Variants in AFG2A observed in about 807,000 individuals in gnomAD.
AFG2A encodes ATPase family gene 2 protein homolog A.
chr4:123,064,445 A>T, the AFG2A span, among the ~76,000 whole-genome samples: 1 of 152,274 alleles, frequency 6.6e-6, no homozygotes, highest in African/African-American at 2.4e-5. Flanking sequence ...TCCCTGCATT[A>T]ATGCAAAGTA....
chr4:123,286,531 A>G, the AFG2A span, among the ~76,000 whole-genome samples: 5 of 152,204 alleles, frequency 3.3e-5, no homozygotes, highest in African/African-American at 1.2e-4. Context: ...TGTAAAATCA[A>G]TGCCAACTGC....
the AFG2A span, among the ~76,000 whole-genome samples, chr4:123,190,494 G>A: frequency 5.3e-4 from 81 of 152,264 alleles, no homozygotes; most frequent in African/African-American, 1.9e-3. Flanking sequence ...CACTTTTCTA[G>A]TTAGATTTTC....
At chr4:123,020,451 C>T in the AFG2A span, among the ~76,000 whole-genome samples, 11 of 151,536 alleles carry the variant, frequency 7.3e-5, no homozygotes, top group Non-Finnish European at 1.5e-4. Context: ...TCAGTGTAAC[C>T]TCCGCCTCCC....
the AFG2A span, among the ~76,000 whole-genome samples, chr4:123,122,699 A>G: frequency 6.6e-6 from 1 of 151,820 alleles, no homozygotes; most frequent in Non-Finnish European, 1.5e-5. Context: ...TCATAGGGCT[A>G]TCTTTTTGCC....
At chr4:122,936,519 T>G in the AFG2A span, among the ~76,000 whole-genome samples, 1 of 152,164 alleles carries the variant, frequency 6.6e-6, no homozygotes, top group Non-Finnish European at 1.5e-5. Context: ...ATGTTATACT[T>G]TGCTTCAAAG....
At chr4:123,247,224 C>CGTGTGTGTGTGTGT in the AFG2A span, among the ~76,000 whole-genome samples, 29 of 149,658 alleles carry the variant, frequency 1.9e-4, no homozygotes, top group Admixed American at 9.3e-4. Context: ...TACTTGCGTG[C>CGTGTGTGTGTGTGT]GTGTGTGTGT....
chr4:123,276,995 T>C, the AFG2A span, among the ~76,000 whole-genome samples: 1 of 152,164 alleles, frequency 6.6e-6, no homozygotes, highest in Middle Eastern at 3.2e-3. Flanking sequence ...AATTTTAAAA[T>C]AGTTTTTTCT....
the AFG2A span, among the ~76,000 whole-genome samples, chr4:123,238,281 G>T: frequency 2.6e-5 from 4 of 152,340 alleles, no homozygotes; most frequent in Non-Finnish European, 5.9e-5. Context: ...AGTAACTTCT[G>T]CAGACTTAAA....
the AFG2A span, among the ~76,000 whole-genome samples, chr4:123,306,721 A>T: frequency 6.6e-6 from 1 of 152,020 alleles, no homozygotes; most frequent in East Asian, 1.9e-4. Context: ...ACACCCGGCT[A>T]ATTTTTTGTA....
At chr4:123,072,086 G>T in the AFG2A span, among the ~76,000 whole-genome samples, 1 of 152,160 alleles carries the variant, frequency 6.6e-6, no homozygotes, top group South Asian at 2.1e-4. Context: ...ATAGGCTCTG[G>T]AATCAAGTAA....
the AFG2A span, among the ~76,000 whole-genome samples, chr4:123,283,215 G>A: frequency 1.3e-5 from 2 of 152,194 alleles, no homozygotes; most frequent in African/African-American, 4.8e-5. Flanking sequence ...ATTAAATTCT[G>A]ATAAAGGGAA....
At chr4:123,189,808 G>GCTTTT in the AFG2A span, among the ~76,000 whole-genome samples, 1 of 56,510 alleles carries the variant, frequency 1.8e-5, no homozygotes, top group African/African-American at 6.3e-5. Flanking sequence ...AAGGTCATTT[G>GCTTTT]CTTTTTTTTT....
At chr4:122,992,838 GTTTTC>G in the AFG2A span, among the ~76,000 whole-genome samples, 4 of 152,136 alleles carry the variant, frequency 2.6e-5, no homozygotes, top group African/African-American at 9.6e-5. Flanking sequence ...GGTCAAATGC[GTTTTC>G]TTTACAGCAT....
At chr4:123,073,295 CT>C in the AFG2A span, among the ~76,000 whole-genome samples, 1 of 151,092 alleles carries the variant, frequency 6.6e-6, no homozygotes, top group Admixed American at 6.6e-5. Flanking sequence ...TAAATTGTAT[CT>C]TTATTACAGA....
chr4:122,990,639 A>G, the AFG2A span, among the ~76,000 whole-genome samples: 3 of 152,136 alleles, frequency 2.0e-5, no homozygotes, highest in Admixed American at 1.3e-4. Context: ...GCTGGAGTGC[A>G]ATGGTGCAGT....
the AFG2A span, among the ~76,000 whole-genome samples, chr4:122,940,020 C>G: frequency 0.012 from 1,762 of 152,276 alleles, 14 homozygotes; most frequent in Middle Eastern, 0.078. Context: ...TTTTCTTAAT[C>G]CAGTCTGTCA....
chr4:123,303,030 GCT>G, the AFG2A span, among the ~76,000 whole-genome samples: 1,479 of 152,218 alleles, frequency 9.7e-3, 17 homozygotes, highest in Non-Finnish European at 0.015. Flanking sequence ...ACATCTGTTT[GCT>G]CTCTTATCCC....
At chr4:123,003,485 T>C in the AFG2A span, among the ~76,000 whole-genome samples, 3 of 152,178 alleles carry the variant, frequency 2.0e-5, no homozygotes, top group African/African-American at 7.2e-5. Context: ...GGGTTTTTGG[T>C]GTGGATGTCC....
At chr4:123,121,819 C>G in the AFG2A span, among the ~76,000 whole-genome samples, 1 of 152,146 alleles carries the variant, frequency 6.6e-6, no homozygotes, top group Admixed American at 6.6e-5. Flanking sequence ...GCCAAATGTA[C>G]TATTTTGAGT....
Sources: gnomAD v4.1 joint callset for allele counts (sites outside exome capture counted in the v4.1 genomes callset) on GRCh38, gnomAD v4.1.1 for gene constraint, MANE v1.5 for transcripts, NCBI Gene and HGNC (gene_info 2026-07-23, HGNC 2026-07-21) for gene names.